The following TRAPPC9 variants were observed in gnomAD, a reference collection of about 807,000 sequenced individuals.
TRAPPC9 encodes the protein IKK2 binding protein.
In TRAPPC9, 83 loss-of-function variants were observed where a neutral mutation model predicts 124.0. The ratio of observed to expected loss-of-function variants is 0.67; its 90% confidence interval spans 0.56 to 0.80. The LOEUF (loss-of-function observed/expected upper bound fraction) is 0.80, where lower values mean the gene tolerates loss of function less well. TRAPPC9 is among the 30% of genes least tolerant of loss of function. The pLI is 0.00. For missense variants in TRAPPC9, 1,302 were observed against 1,508.3 expected, an observed-to-expected ratio of 0.86 and a Z score of 2.27; for synonymous variants, 638 against 617.5, an observed-to-expected ratio of 1.03 and a Z score of -0.49.
intron 17 of TRAPPC9, among the ~76,000 whole-genome samples, chr8:140,090,610 T>C (rs780498352): frequency 1.2e-4 from 18 of 152,238 alleles, no homozygotes; most frequent in Non-Finnish European, 2.6e-4. Context: ...GCCAGCTGCG[T>C]AGAGGTCCGG....
intron 9 of TRAPPC9, among the ~76,000 whole-genome samples, chr8:140,327,992 C>T (rs1331990769): frequency 5.3e-5 from 8 of 152,290 alleles, no homozygotes; most frequent in East Asian, 1.9e-4. Context: ...CGGTGGCTCA[C>T]GCCTGTAATC....
intron 18 of TRAPPC9, among the ~76,000 whole-genome samples, chr8:140,011,375 ATT>A (rs1839107295): frequency 1.3e-5 from 2 of 151,486 alleles, no homozygotes; most frequent in African/African-American, 2.4e-5. Flanking sequence ...TAGTAACAAT[ATT>A]ATATATATTT....
Position 139,728,264 on chromosome 8 carries a change from G to T in TRAPPC9, c.*2797C>A. ...GAGCATGACGGCTGCATGATTATGG[G>T]GTCACCGGGCCTGTCCTGGCCCTGA... On this transcript the variant is annotated 3_prime_UTR_variant, in exon 23 of 23. Coordinates refer to ENST00000438773, the MANE Select transcript of TRAPPC9 (RefSeq NM_001160372.4). Among the ~76,000 whole-genome samples, 1 of 152,134 alleles carries T rather than the reference G, an allele frequency of 6.6e-6. No homozygotes were observed. The highest frequency in any genetic ancestry group is 1.5e-5 in the Non-Finnish European group (1 of 68,040).
chr8:140,403,438 A>C (rs1362765784), intron 6 of TRAPPC9, among the ~76,000 whole-genome samples: 2 of 151,854 alleles, frequency 1.3e-5, no homozygotes, highest in Non-Finnish European at 2.9e-5. Flanking sequence ...CCATAAAAAA[A>C]AAAAAAGATA....
intron 19 of TRAPPC9, among the ~76,000 whole-genome samples, chr8:139,978,124 C>A (rs917348511): frequency 1.3e-5 from 2 of 152,126 alleles, no homozygotes; most frequent in East Asian, 1.9e-4. Context: ...GGGATCCTCC[C>A]ACCTTGGCCT....
At chr8:140,316,004 T>A (rs4736030) in intron 9 of TRAPPC9, among the ~76,000 whole-genome samples, 50,637 of 151,992 alleles carry the variant, frequency 0.33, 9,203 homozygotes, top group East Asian at 0.66. Context: ...TCTTTGACTA[T>A]GGCTGCCCTA....
chr8:139,774,245 C>A (rs1200952322), intron 21 of TRAPPC9, among the ~76,000 whole-genome samples: 1 of 152,162 alleles, frequency 6.6e-6, no homozygotes, highest in Non-Finnish European at 1.5e-5. Flanking sequence ...ACTCGGGCTG[C>A]CCTGTGAGAA....
intron 17 of TRAPPC9, among the ~76,000 whole-genome samples, chr8:140,057,286 C>CA (rs1168487501): frequency 1.3e-5 from 2 of 152,088 alleles, no homozygotes; most frequent in Non-Finnish European, 2.9e-5. Flanking sequence ...GAAGTTTCCT[C>CA]AAAAAATCAG....
intron 17 of TRAPPC9, among the ~76,000 whole-genome samples, chr8:140,140,062 G>A (rs539322403): frequency 6.6e-6 from 1 of 152,318 alleles, no homozygotes; most frequent in Admixed American, 6.5e-5. Context: ...GTGCTTGTGT[G>A]CAGTGAGTGG....
At chr8:140,248,463 G>A (rs4422757) in intron 16 of TRAPPC9, among the ~76,000 whole-genome samples, 9,522 of 152,250 alleles carry the variant, frequency 0.063, 532 homozygotes, top group African/African-American at 0.15. Flanking sequence ...GTGTGTTTCC[G>A]GCTTCCTCTT....
Position 139,885,976 on chromosome 8 carries a change from C to G in TRAPPC9, c.2965-7G>C. ...CACTGCGCTTCAGGGAGGGGTGAGC[C>G]TTGGTCAAGGAAAACGCAACTCCTG... On this transcript the variant is annotated splice_region_variant and splice_polypyrimidine_tract_variant and intron_variant, in intron 20 of 22. Transcript: ENST00000438773. 1 of 1,561,090 alleles carries G rather than the reference C, an allele frequency of 6.4e-7. No homozygotes were observed. Among genetic ancestry groups the G allele is most frequent in the Non-Finnish European group, 8.7e-7 (1 of 1,151,954 alleles).
chr8:140,160,416 A>C (rs1243803691), intron 17 of TRAPPC9, among the ~76,000 whole-genome samples: 2 of 152,220 alleles, frequency 1.3e-5, no homozygotes, highest in Non-Finnish European at 2.9e-5. Flanking sequence ...TCAATAAGAG[A>C]CTAGATAAAG....
chr8:139,960,475 C>T (rs1835305868), intron 19 of TRAPPC9, among the ~76,000 whole-genome samples: 1 of 152,168 alleles, frequency 6.6e-6, no homozygotes, highest in Non-Finnish European at 1.5e-5. Context: ...TGGGTTCTCC[C>T]GCCTCTCAAT....
At chr8:140,409,551 C>CA (rs2069617126) in intron 5 of TRAPPC9, among the ~76,000 whole-genome samples, 1 of 152,168 alleles carries the variant, frequency 6.6e-6, no homozygotes, top group South Asian at 2.1e-4. Flanking sequence ...TGGAAACAAT[C>CA]AAACATCCAC....
intron 20 of TRAPPC9, among the ~76,000 whole-genome samples, chr8:139,890,897 G>T (rs369564123): frequency 1.2e-4 from 18 of 151,294 alleles, no homozygotes; most frequent in East Asian, 3.9e-4. Context: ...AATATCTGTG[G>T]CTGTCTGTGC....
At chr8:140,299,751 G>A (rs915272143) in intron 11 of TRAPPC9, among the ~76,000 whole-genome samples, 1 of 152,226 alleles carries the variant, frequency 6.6e-6, no homozygotes, top group Non-Finnish European at 1.5e-5. Context: ...AGGGCCGGTG[G>A]TGCATGCTGA....
intron 7 of TRAPPC9, among the ~76,000 whole-genome samples, chr8:140,391,980 C>A (rs1467623457): frequency 2.0e-5 from 3 of 151,472 alleles, no homozygotes; most frequent in Non-Finnish European, 2.9e-5. Context: ...GAGCTGAGAT[C>A]GCGCCACTGC....
chr8:140,158,878 T>C (rs556524634), intron 17 of TRAPPC9, among the ~76,000 whole-genome samples: 2 of 152,348 alleles, frequency 1.3e-5, no homozygotes, highest in East Asian at 1.9e-4. Context: ...TTTGACACGA[T>C]TTTACAACTT....
intron 21 of TRAPPC9, among the ~76,000 whole-genome samples, chr8:139,756,918 G>T (rs1408888440): frequency 5.4e-5 from 7 of 128,606 alleles, no homozygotes; most frequent in Admixed American, 2.4e-4. Context: ...GAGGACAGCA[G>T]GTCGCAGGAG....
Sources: allele counts gnomAD v4.1 joint callset (sites outside exome capture counted in the v4.1 genomes callset), GRCh38; gene constraint gnomAD v4.1.1; transcripts MANE v1.5; gene names NCBI Gene and HGNC (gene_info 2026-07-23, HGNC 2026-07-21).